TBX1: variants seen among roughly 807,000 people sequenced by gnomAD.
The protein encoded by TBX1 is T-box transcription factor 1.
Under a neutral mutation model 40.8 loss-of-function variants are expected in TBX1, and 16 were observed. That is an observed-to-expected ratio of 0.39 (90% CI 0.27 to 0.60). The LOEUF (loss-of-function observed/expected upper bound fraction) is 0.60. Among genes scored for constraint, TBX1 ranks in the 20% least tolerant of loss-of-function variants. The probability of loss-of-function intolerance (pLI) is 0.51; values close to 1 mark genes in which losing one functional copy is unlikely to be tolerated. For synonymous variants in TBX1, 403 were observed against 336.8 expected (o/e 1.20, Z -2.15); for missense variants, 755 against 728.5 (o/e 1.04, Z -0.42).
chr22:19,767,051 C>G lies in TBX1; in HGVS notation c.*184C>G. ...CGCCACCCCCAGCCCCTTGGGCTAT[C>G]GAAGTATCCGGTTCCCCAGTCCCTG... On this transcript the variant is annotated 3_prime_UTR_variant, in exon 7 of 7. Coordinates refer to ENST00000649276, the MANE Select transcript of TBX1 (RefSeq NM_001379200.1). 4 of 1,303,648 alleles carry G rather than the reference C, an allele frequency of 3.1e-6. No homozygotes were observed. The South Asian group carries it at 6.6e-5, about 22-fold the overall frequency. The allele number at this position is 1,303,648 out of a possible 1,614,324, so 80.8% of individuals were successfully genotyped here.
chr22:19,777,296 T>C (rs947671410), intron 8 of TBX1, among the ~76,000 whole-genome samples: 8 of 150,906 alleles, frequency 5.3e-5, no homozygotes, highest in African/African-American at 1.7e-4. Context: ...CACCTATGAG[T>C]GAGAACATGC....
chr22:19,769,651 G>A (rs533868984), downstream of TBX1, among the ~76,000 whole-genome samples: 10 of 152,352 alleles, frequency 6.6e-5, no homozygotes, highest in African/African-American at 2.4e-4. Flanking sequence ...TGGAGGTGAC[G>A]TTCCCATGGG....
downstream of TBX1, chr22:19,779,657 T>A (rs1479055095): frequency 1.7e-5 from 15 of 904,056 alleles, no homozygotes; most frequent in Admixed American, 4.8e-4. Flanking sequence ...TATAAACACT[T>A]CTAAATATTT....
chr22:19,766,935 G>C lies in TBX1; in HGVS notation c.*68G>C. On this transcript the variant is annotated 3_prime_UTR_variant, in exon 7 of 7. Coordinates refer to ENST00000649276, the MANE Select transcript of TBX1 (RefSeq NM_001379200.1). ...GAAGTTCGCCGGGCCCGGCCACCCT[G>C]CCCCAAGGGCAAGCAAGGAATACGT... 6.4e-7 allele frequency: 1 copy of C among 1,553,086 alleles called. No individual in the cohort carries two copies. The highest frequency in any genetic ancestry group is 8.6e-7 in the Non-Finnish European group (1 of 1,159,286).
At position 19,767,260 on chromosome 22, in the gene TBX1, A is replaced by G; in HGVS notation, c.*393A>G. 1 of 1,029,756 alleles carries G rather than the reference A, an allele frequency of 9.7e-7. No individual in the cohort carries two copies. Among genetic ancestry groups the G allele is most frequent in the Middle Eastern group, 4.6e-4 (1 of 2,154 alleles). The allele number at this position is 1,029,756 out of a possible 1,614,324, so 63.8% of individuals were successfully genotyped here. A position where few individuals can be genotyped will look rare whatever the true frequency, so the allele number is the denominator to read the frequency against. Reference sequence around the variant, plus strand: ...AGAGCCCCGCCTGCAGGCGGTGTAGATACATGTAGATACTGTAGATACTGT... The same window carrying G: ...AGAGCCCCGCCTGCAGGCGGTGTAGGTACATGTAGATACTGTAGATACTGT... On this transcript the variant is annotated 3_prime_UTR_variant, in exon 7 of 7. Transcript: ENST00000649276.
chr22:19,760,911 C>T lies in TBX1; in HGVS notation c.68C>T (p.Thr23Met), dbSNP rs1238011096. 9.5e-7 allele frequency: 1 copy of T among 1,058,156 alleles called. No homozygotes were observed. The highest frequency in any genetic ancestry group is 1.2e-6 in the Non-Finnish European group (1 of 866,088). 65.5% of individuals were successfully genotyped at this position (1,058,156 alleles called of 1,614,324 possible). Residue 23 changes from threonine to methionine, a missense_variant, in exon 1 of 7, where the codon ACG becomes ATG. This residue lies in a region of TBX1 where 199 missense variants were observed against 173.0 expected (regional missense o/e 1.15). Transcript: ENST00000649276. Reference protein sequence around the residue: ...LSHFCDVAAFTASSLSSLGAA... With the variant: ...LSHFCDVAAFMASSLSSLGAA... ...CATTTCTGCGACGTTGCAGCCTTCACGGCCAGCAGCCTGAGCAGCCTGGGG... is the reference window on the plus strand; with the variant it reads ...CATTTCTGCGACGTTGCAGCCTTCATGGCCAGCAGCCTGAGCAGCCTGGGG...
intron 8 of TBX1, among the ~76,000 whole-genome samples, chr22:19,776,638 C>T (rs566207115): frequency 3.3e-5 from 5 of 152,258 alleles, no homozygotes; most frequent in African/African-American, 1.2e-4. Context: ...AAAGCAGAAC[C>T]GCATGTGATC....
At chr22:19,770,385 C>T (rs773166796), downstream of TBX1, among the ~76,000 whole-genome samples, 1 of 152,218 alleles carries the variant, frequency 6.6e-6, no homozygotes, top group African/African-American at 2.4e-5. Flanking sequence ...GCAGTAGCCC[C>T]GCTCCCTGTT....
Position 19,766,926 on chromosome 22 carries a change from G to A in TBX1, c.*59G>A, listed in dbSNP as rs1481306209. On this transcript the variant is annotated 3_prime_UTR_variant, in exon 7 of 7. Transcript: ENST00000649276. Reference sequence around the variant, plus strand: ...CACAGCCCCGAAGTTCGCCGGGCCCGGCCACCCTGCCCCAAGGGCAAGCAA... The same window carrying A: ...CACAGCCCCGAAGTTCGCCGGGCCCAGCCACCCTGCCCCAAGGGCAAGCAA... The A allele has an allele frequency of 7.0e-6, 11 of 1,560,684 alleles. No homozygotes were observed. In the African/African-American group the frequency reaches 8.3e-5, roughly 12 times the overall value.
At chr22:19,766,343 T>A in intron 6 of TBX1, 46 bp from the exon 7 acceptor site, 1 of 1,246,290 alleles carries the variant, frequency 8.0e-7, no homozygotes, top group African/African-American at 1.6e-5. Context: ...TCGGAGCTCC[T>A]CGGCGGCCCC....
At position 19,766,589 on chromosome 22, in the gene TBX1, G is replaced by T; in HGVS notation, c.1237G>T (p.Ala413Ser). 6.8e-7 allele frequency: 1 copy of T among 1,476,712 alleles called. No homozygotes were observed. The highest frequency in any genetic ancestry group is 8.9e-7 in the Non-Finnish European group (1 of 1,118,532). 91.5% of individuals were successfully genotyped at this position (1,476,712 alleles called of 1,614,324 possible). The change falls in exon 7 of 7, where the codon GCG (alanine) becomes TCG (serine). Residue 413 changes from alanine (A) to serine (S), a missense_variant. Ala to Ser is a moderately conservative substitution (Grantham distance 99, BLOSUM62 1). Coordinates refer to ENST00000649276, the MANE Select transcript of TBX1 (RefSeq NM_001379200.1). ...CCCGAACCCCGAGCTGCGCCTGGAG[G>T]CGCCCGGCGCATCGGAGCCGCTGCA... ...SPPNPELRLE[A>S]PGASEPLHHH...
intron 4 of TBX1, among the ~76,000 whole-genome samples, 178 bp from the exon 5 acceptor site, chr22:19,765,580 G>A (rs2145836071): frequency 6.6e-6 from 1 of 152,130 alleles, no homozygotes; most frequent in East Asian, 1.9e-4. Flanking sequence ...TCAGACCCCC[G>A]CCCCCCTGCA....
chr22:19,758,589 G>A (rs1936539110), upstream of TBX1, among the ~76,000 whole-genome samples: 1 of 152,232 alleles, frequency 6.6e-6, no homozygotes, highest in Non-Finnish European at 1.5e-5. Context: ...GGGTGCCGGG[G>A]GGCAGCATAC....
chr22:19,763,566 A>T (rs994970377), intron 2 of TBX1: 1 of 581,548 alleles, frequency 1.7e-6, no homozygotes, highest in African/African-American at 1.9e-5. Flanking sequence ...CAGGCTGCAG[A>T]CAGCTCTTGC....
At chr22:19,779,010 T>C (rs764932900) in intron 8 of TBX1, among the ~76,000 whole-genome samples, 2 of 152,198 alleles carry the variant, frequency 1.3e-5, no homozygotes, top group African/African-American at 2.4e-5. Context: ...GAAAGGCCTG[T>C]GCTGGGCTGA....
intron 2 of TBX1, 122 bp from the exon 3 acceptor site, chr22:19,764,033 A>G: frequency 9.2e-7 from 1 of 1,086,692 alleles, no homozygotes; most frequent in East Asian, 2.6e-5. Flanking sequence ...ATGCGGCAGC[A>G]GAGGGTTCAA....
intron 1 of TBX1, among the ~76,000 whole-genome samples, chr22:19,761,515 C>T (rs888090151): frequency 7.3e-5 from 11 of 151,670 alleles, no homozygotes; most frequent in Non-Finnish European, 1.2e-4. Flanking sequence ...GAGGAGACGG[C>T]GCGGGCCGCA....
intron 2 of TBX1, chr22:19,763,602 G>T: frequency 1.9e-6 from 1 of 538,862 alleles, no homozygotes; most frequent in South Asian, 2.0e-5. Context: ...TGGCCCTAGG[G>T]TGGTCAGCCA....
At chr22:19,777,001 CA>C (rs1386836291) in intron 8 of TBX1, among the ~76,000 whole-genome samples, 1 of 152,146 alleles carries the variant, frequency 6.6e-6, no homozygotes, top group African/African-American at 2.4e-5. Flanking sequence ...CGCTCAATCC[CA>C]TACGCTACAG....
Sources: gnomAD v4.1 joint callset for allele counts (sites outside exome capture counted in the v4.1 genomes callset) on GRCh38, gnomAD v4.1.1 for gene constraint, gnomAD v4.1.1 regional missense constraint, MANE v1.5 for transcripts, NCBI Gene and HGNC (gene_info 2026-07-23, HGNC 2026-07-21) for gene names.